Variants in CCSER1 observed in about 807,000 individuals in gnomAD.
CCSER1 encodes serine-rich coiled-coil domain-containing protein 1.
Under a neutral mutation model 82.0 loss-of-function variants are expected in CCSER1, and 41 were observed. The ratio of observed to expected loss-of-function variants is 0.50; its 90% CI spans 0.39 to 0.65. The LOEUF is 0.65. Ranked by LOEUF, CCSER1 falls within the 30% of genes least tolerant of loss-of-function variation. The probability of loss-of-function intolerance (pLI) is 0.00; values close to 1 mark genes in which losing one functional copy is unlikely to be tolerated. For missense variants in CCSER1, 1,119 were observed against 1,064.2 expected (o/e 1.05, Z -0.72); for synonymous variants, 414 against 383.9 (o/e 1.08, Z -0.92).
At chr4:91,594,838 G>A (rs1764484674) in intron 10 of CCSER1, among the ~76,000 whole-genome samples, 1 of 152,020 alleles carries the variant, frequency 6.6e-6, no homozygotes, top group African/African-American at 2.4e-5. Context: ...CAGGTTCAGT[G>A]TTCTTTCTAT....
intron 10 of CCSER1, among the ~76,000 whole-genome samples, chr4:91,363,358 T>G (rs1319206893): frequency 1.8e-5 from 1 of 55,116 alleles, no homozygotes; most frequent in Admixed American, 1.7e-4. Context: ...GGAGATATTT[T>G]GTGTGTGTGT....
intron 3 of CCSER1, among the ~76,000 whole-genome samples, chr4:90,349,886 G>A (rs1348171888): frequency 6.6e-6 from 1 of 151,968 alleles, no homozygotes; most frequent in Non-Finnish European, 1.5e-5. Flanking sequence ...AGTGTTCACA[G>A]TTCCACAGAT....
At chr4:91,501,798 T>C (rs1464496588) in intron 10 of CCSER1, among the ~76,000 whole-genome samples, 2 of 152,160 alleles carry the variant, frequency 1.3e-5, no homozygotes, top group Non-Finnish European at 2.9e-5. Context: ...TTTGGGCATG[T>C]CATAAAAGAA....
At chr4:90,786,938 T>C (rs532811111) in intron 7 of CCSER1, among the ~76,000 whole-genome samples, 1 of 152,210 alleles carries the variant, frequency 6.6e-6, no homozygotes, top group South Asian at 2.1e-4. Flanking sequence ...CTTTTTGTGT[T>C]GGATTAACTT....
chr4:90,238,135 G>A (rs1469412254), intron 1 of CCSER1, among the ~76,000 whole-genome samples: 2 of 152,138 alleles, frequency 1.3e-5, no homozygotes, highest in Non-Finnish European at 2.9e-5. Context: ...TACATTGTTT[G>A]TAAAAAAATG....
intron 8 of CCSER1, among the ~76,000 whole-genome samples, chr4:90,866,620 G>A: frequency 6.6e-6 from 1 of 152,016 alleles, no homozygotes; most frequent in Non-Finnish European, 1.5e-5. Context: ...GTGTAGCAAG[G>A]CTATGGATAT....
At chr4:91,455,953 G>A (rs943050143) in intron 10 of CCSER1, among the ~76,000 whole-genome samples, 6 of 152,080 alleles carry the variant, frequency 3.9e-5, no homozygotes, top group Non-Finnish European at 7.4e-5. Context: ...CAGAGACAAG[G>A]AGGTAAACTG....
At chr4:91,551,654 CAA>C (rs3138729) in intron 10 of CCSER1, among the ~76,000 whole-genome samples, 97 of 88,726 alleles carry the variant, frequency 1.1e-3, no homozygotes, top group African/African-American at 2.9e-3. Context: ...AGGCAAAAAA[CAA>C]ACACACACAC....
chr4:90,735,028 A>G (rs919587291), intron 7 of CCSER1, among the ~76,000 whole-genome samples: 2 of 152,116 alleles, frequency 1.3e-5, no homozygotes, highest in South Asian at 4.1e-4. Context: ...GGTTTTTATC[A>G]TGAAAGAGTG....
At chr4:91,517,938 G>A (rs1760236450) in intron 10 of CCSER1, among the ~76,000 whole-genome samples, 1 of 152,166 alleles carries the variant, frequency 6.6e-6, no homozygotes, top group Non-Finnish European at 1.5e-5. Flanking sequence ...TGATGTTGAA[G>A]TTTGGGATGT....
chr4:91,118,977 CAAGT>C (rs1208836160), intron 10 of CCSER1, among the ~76,000 whole-genome samples: 1 of 152,122 alleles, frequency 6.6e-6, no homozygotes, highest in Non-Finnish European at 1.5e-5. Context: ...AGTGAATGTG[CAAGT>C]TAGTGTTTAA....
intron 8 of CCSER1, among the ~76,000 whole-genome samples, chr4:90,915,097 C>A (rs1303412539): frequency 6.6e-6 from 1 of 152,168 alleles, no homozygotes; most frequent in Admixed American, 6.5e-5. Flanking sequence ...CAAGGAGGAG[C>A]TGGTACCATT....
intron 6 of CCSER1, among the ~76,000 whole-genome samples, chr4:90,657,686 A>G (rs1159483504): frequency 2.6e-5 from 4 of 152,186 alleles, no homozygotes; most frequent in Non-Finnish European, 5.9e-5. Context: ...TTAAATTTCA[A>G]TTATCATATG....
intron 10 of CCSER1, among the ~76,000 whole-genome samples, chr4:91,430,567 G>T (rs1272182844): frequency 1.3e-5 from 2 of 152,192 alleles, no homozygotes; most frequent in Non-Finnish European, 2.9e-5. Context: ...ATTGCTGAAA[G>T]AATATTAAAG....
chr4:90,929,943 A>G (rs1729520995), intron 9 of CCSER1, among the ~76,000 whole-genome samples: 2 of 152,232 alleles, frequency 1.3e-5, no homozygotes, highest in Non-Finnish European at 2.9e-5. Flanking sequence ...ATCATTCCAC[A>G]TTGTATACAT....
rs1737056343 is a variant in CCSER1, at chr4:90,321,014, A to G, written c.1509+7967A>G. 3.3e-5 allele frequency among the ~76,000 whole-genome samples: 5 copies of G among 152,124 alleles called. 1 individual carries two copies. Among genetic ancestry groups the G allele is most frequent in the Admixed American group, 3.3e-4 (5 of 15,266 alleles). On this transcript the variant is annotated intron_variant, in intron 3 of 10. Coordinates refer to ENST00000509176, the MANE Select transcript of CCSER1 (RefSeq NM_001145065.2). ...AATTTATATTAATACTAATCACATC[A>G]AGGTAATTGGGTTATCTATCACCTC...
chr4:91,227,242 A>G (rs745379961), intron 10 of CCSER1, among the ~76,000 whole-genome samples: 2 of 151,910 alleles, frequency 1.3e-5, no homozygotes, highest in Non-Finnish European at 2.9e-5. Flanking sequence ...TATACCATAA[A>G]GGAGTTGAAA....
chr4:91,099,709 A>T (rs889081561), intron 10 of CCSER1, among the ~76,000 whole-genome samples: 1 of 152,108 alleles, frequency 6.6e-6, no homozygotes, highest in Non-Finnish European at 1.5e-5. Flanking sequence ...AAATTTAAAC[A>T]TTTTCTGTTT....
intron 1 of CCSER1, among the ~76,000 whole-genome samples, chr4:90,215,828 A>G (rs1740897150): frequency 6.6e-6 from 1 of 152,172 alleles, no homozygotes; most frequent in Non-Finnish European, 1.5e-5. Context: ...GAACCCACTC[A>G]CTGTCCAACA....
Sources: gnomAD v4.1 joint callset for allele counts (sites outside exome capture counted in the v4.1 genomes callset) on GRCh38, gnomAD v4.1.1 for gene constraint, MANE v1.5 for transcripts, NCBI Gene and HGNC (gene_info 2026-07-23, HGNC 2026-07-21) for gene names.